Variants in ADCYAP1R1 observed in about 807,000 individuals in gnomAD.
ADCYAP1R1 encodes the protein ADCYAP receptor type I.
A neutral mutation model predicts 67.6 loss-of-function variants in ADCYAP1R1; 44 were observed. That is an observed-to-expected ratio of 0.65 (90% CI 0.51 to 0.84). The LOEUF is 0.84. ADCYAP1R1 is among the 40% of genes least tolerant of loss of function. The probability of loss-of-function intolerance (pLI) is 0.00; values close to 1 mark genes in which losing one functional copy is unlikely to be tolerated. For missense variants in ADCYAP1R1, 477 were observed against 587.9 expected, an observed-to-expected ratio of 0.81 and a Z score of 1.95; for synonymous variants, 222 against 219.6, an observed-to-expected ratio of 1.01 and a Z score of -0.10.
chr7:31,086,623 G>C lies in ADCYAP1R1; in HGVS notation c.823+86G>C, dbSNP rs556761576. ...GTCTTTGGTTCCATCTTCAGGAAGT[G>C]TCAGGTGAGGAGGGGCCACTGCCCT... On this transcript the variant is annotated intron_variant, in intron 10 of 15. Coordinates refer to ENST00000304166, the MANE Select transcript of ADCYAP1R1 (RefSeq NM_001118.5). This position sits in a 1 kb window ranked among gnomAD's most constrained non-coding sequence, Gnocchi z 5.0. The C allele has an allele frequency of 2.0e-5, 31 of 1,530,986 alleles. 1 individual carries two copies. In the African/African-American group the frequency reaches 4.0e-4, roughly 20 times the overall value. 94.8% of individuals were successfully genotyped at this position (1,530,986 alleles called of 1,614,324 possible).
At chr7:31,093,372 CA>C (rs1796048312) in intron 13 of ADCYAP1R1, among the ~76,000 whole-genome samples, 1 of 152,184 alleles carries the variant, frequency 6.6e-6, no homozygotes, top group Admixed American at 6.5e-5. Flanking sequence ...GGGCTTTCTC[CA>C]CTTCCATGGC....
rs970803279 is a variant in ADCYAP1R1, at chr7:31,107,631, C to G, written c.*947C>G. 2 of 152,124 alleles carry G rather than the reference C, an allele frequency of 1.3e-5. No homozygotes were observed. Among genetic ancestry groups the G allele is most frequent in the East Asian group, 3.9e-4 (2 of 5,160 alleles). The allele number at this position is 152,124 out of a possible 1,614,324, so 9.4% of individuals were successfully genotyped here. The stretch of plus-strand genomic sequence containing the variant: ...TTAAGCCCTCCCCTCCCCATTTCCC[C>G]TAAGTCAAAGCCATGACTAGGATGT... On this transcript the variant is annotated 3_prime_UTR_variant, in exon 16 of 16. Coordinates refer to ENST00000304166, the MANE Select transcript of ADCYAP1R1 (RefSeq NM_001118.5).
intron 8 of ADCYAP1R1, 28 bp downstream of exon 8, chr7:31,084,862 G>A (rs1795670541): frequency 1.2e-6 from 2 of 1,602,460 alleles, no homozygotes; most frequent in Non-Finnish European, 1.7e-6. Context: ...ATTCAAGCAA[G>A]CACCAGAGCT....
At position 31,104,770 on chromosome 7, in the gene ADCYAP1R1, G is replaced by A. The variant is rs1584552131; in HGVS notation, c.1177-98G>A. Reference sequence around the variant, plus strand: ...GGCAGGTGCCCCCATCCAGGTCATGGTGTATTTCTGCTTCCTAGAGTCATC... The same window carrying A: ...GGCAGGTGCCCCCATCCAGGTCATGATGTATTTCTGCTTCCTAGAGTCATC... On this transcript the variant is annotated intron_variant, in intron 14 of 15. Transcript: ENST00000304166. The A allele has an allele frequency of 1.1e-5, 15 of 1,351,644 alleles. No individual in the cohort carries two copies. The East Asian group carries it at 3.5e-4, about 31-fold the overall frequency. 83.7% of individuals were successfully genotyped at this position (1,351,644 alleles called of 1,614,324 possible). A position where few individuals can be genotyped will look rare whatever the true frequency, so the allele number is the denominator to read the frequency against.
At chr7:31,058,184 C>T (rs1405980178) in intron 1 of ADCYAP1R1, among the ~76,000 whole-genome samples, 3 of 152,250 alleles carry the variant, frequency 2.0e-5, no homozygotes, top group Non-Finnish European at 4.4e-5. Context: ...GAGTTGCCTT[C>T]AGCCAGGGGA....
At chr7:31,096,657 G>A (rs1281390585) in intron 13 of ADCYAP1R1, among the ~76,000 whole-genome samples, 2 of 151,974 alleles carry the variant, frequency 1.3e-5, no homozygotes, top group Non-Finnish European at 2.9e-5. Context: ...GGAGTGGCTC[G>A]TCCTTGTGGT....
chr7:31,105,765 G>A (rs1009936369), intron 15 of ADCYAP1R1, among the ~76,000 whole-genome samples: 1 of 152,208 alleles, frequency 6.6e-6, no homozygotes, highest in Non-Finnish European at 1.5e-5. Flanking sequence ...GGAGAGCTTA[G>A]AAGTGGGCAT....
chr7:31,100,551 AAG>A (rs1796395691), intron 13 of ADCYAP1R1, among the ~76,000 whole-genome samples: 1 of 152,106 alleles, frequency 6.6e-6, no homozygotes, highest in African/African-American at 2.4e-5. Flanking sequence ...AATTATTTCC[AAG>A]AGTCTTAGAG....
chr7:31,105,209 A>G (rs549061648), intron 15 of ADCYAP1R1, among the ~76,000 whole-genome samples: 24 of 152,330 alleles, frequency 1.6e-4, no homozygotes, highest in African/African-American at 5.8e-4. Flanking sequence ...TCTCCCTGGG[A>G]GGGTCCTCTC....
chr7:31,106,974 C>T lies in ADCYAP1R1; in HGVS notation c.*290C>T, dbSNP rs1796675298. ...CCCCCTTTGCCCCAGTGTCCCTGCTCACTTCCAGTCAGGTCTCAGCTCCAC... is the reference window on the plus strand; with the variant it reads ...CCCCCTTTGCCCCAGTGTCCCTGCTTACTTCCAGTCAGGTCTCAGCTCCAC... On this transcript the variant is annotated 3_prime_UTR_variant, in exon 16 of 16. Coordinates refer to ENST00000304166, the MANE Select transcript of ADCYAP1R1 (RefSeq NM_001118.5). The T allele has an allele frequency of 5.2e-6, 2 of 381,430 alleles. No homozygotes were observed. Among genetic ancestry groups the T allele is most frequent in the South Asian group, 5.0e-5 (1 of 19,968 alleles). 23.6% of individuals were successfully genotyped at this position (381,430 alleles called of 1,614,324 possible).
At chr7:31,076,847 C>T (rs1264083427) in intron 3 of ADCYAP1R1, among the ~76,000 whole-genome samples, 2 of 152,072 alleles carry the variant, frequency 1.3e-5, no homozygotes, top group African/African-American at 4.8e-5. Flanking sequence ...GAAGTGGGAC[C>T]CTCAGTGGTG....
At chr7:31,083,023 C>T (rs975462614) in intron 6 of ADCYAP1R1, among the ~76,000 whole-genome samples, 4 of 152,390 alleles carry the variant, frequency 2.6e-5, no homozygotes, top group East Asian at 3.9e-4. Flanking sequence ...TTCCTGAGCT[C>T]CCTGGAGGTG....
At chr7:31,104,758 A>C in intron 14 of ADCYAP1R1, 110 bp from the exon 15 acceptor site, 1 of 1,254,718 alleles carries the variant, frequency 8.0e-7, no homozygotes, top group South Asian at 1.2e-5. Context: ...AGGTGCCCCC[A>C]TCCAGGTCAT....
At chr7:31,104,282 A>T (rs1281175476) in intron 14 of ADCYAP1R1, among the ~76,000 whole-genome samples, 1 of 152,202 alleles carries the variant, frequency 6.6e-6, no homozygotes, top group Non-Finnish European at 1.5e-5. Context: ...GGGCACAGGG[A>T]TTGCAAGGAA....
At chr7:31,057,716 G>T (rs958516207) in intron 1 of ADCYAP1R1, among the ~76,000 whole-genome samples, 1 of 152,246 alleles carries the variant, frequency 6.6e-6, no homozygotes, top group Non-Finnish European at 1.5e-5. Flanking sequence ...TGAGGGGTGA[G>T]TGGGAGGGGG....
At chr7:31,077,730 T>C (rs1795330110) in intron 3 of ADCYAP1R1, among the ~76,000 whole-genome samples, 1 of 148,250 alleles carries the variant, frequency 6.7e-6, no homozygotes, top group African/African-American at 2.5e-5. Flanking sequence ...GTGTGTGGTG[T>C]ATGTGTGATG....
chr7:31,064,300 AC>A (rs1169539573), intron 2 of ADCYAP1R1, among the ~76,000 whole-genome samples: 3 of 151,756 alleles, frequency 2.0e-5, no homozygotes, highest in African/African-American at 7.3e-5. Context: ...CTTCTCCCCT[AC>A]CACTTGTTTT....
chr7:31,063,479 A>G (rs1794598599), intron 2 of ADCYAP1R1, among the ~76,000 whole-genome samples, 164 bp downstream of exon 2: 1 of 152,230 alleles, frequency 6.6e-6, no homozygotes, highest in African/African-American at 2.4e-5. Flanking sequence ...ATCAGAAAAG[A>G]CATGCCTTCC....
Position 31,085,315 on chromosome 7 carries a change from T to C in ADCYAP1R1, c.542T>C (p.Leu181Pro). ...CCCCTGGCCCACTCATGTAGGAAGCTGCACTGCACACGCAACTTCATCCAC... is the reference window on the plus strand; with the variant it reads ...CCCCTGGCCCACTCATGTAGGAAGCCGCACTGCACACGCAACTTCATCCAC... ...AMVILCRFRK[L>P]HCTRNFIHMN... Residue 181 changes from leucine to proline, a missense_variant, in exon 9 of 16, where the codon CTG becomes CCG. By Grantham distance (98) the Leu-to-Pro change is moderately conservative. Coordinates refer to ENST00000304166, the MANE Select transcript of ADCYAP1R1 (RefSeq NM_001118.5). The C allele has an allele frequency of 1.2e-6, 2 of 1,613,616 alleles. No homozygotes were observed. The highest frequency in any genetic ancestry group is 1.7e-6 in the Non-Finnish European group (2 of 1,179,840).
Sources: gnomAD v4.1 joint callset for allele counts (sites outside exome capture counted in the v4.1 genomes callset) on GRCh38, gnomAD v4.1.1 for gene constraint, Gnocchi (gnomAD v3.1) non-coding constraint, MANE v1.5 for transcripts, NCBI Gene and HGNC (gene_info 2026-07-23, HGNC 2026-07-21) for gene names.